Variants in SPEN observed in about 807,000 individuals in gnomAD.
The protein encoded by SPEN is msx2-interacting protein.
In SPEN, 18 loss-of-function variants were observed where a neutral mutation model predicts 269.9. The observed-to-expected ratio is 0.07, with a 90% confidence interval of 0.05 to 0.10. SPEN has a LOEUF of 0.10. SPEN is among the 10% of genes least tolerant of loss of function. SPEN has a pLI of 1.00. For missense variants in SPEN, 3,822 were observed against 4,631.2 expected (o/e 0.83, Z 5.07); for synonymous variants, 1,726 against 1,765.7 (o/e 0.98, Z 0.56).
intron 3 of SPEN, among the ~76,000 whole-genome samples, chr1:15,905,667 G>T (rs2070948761): frequency 6.6e-6 from 1 of 151,924 alleles, no homozygotes; most frequent in African/African-American, 2.4e-5. Context: ...CCACCTCCCG[G>T]GTTCAAGCAG....
At chr1:15,880,544 C>T (rs928595837) in intron 3 of SPEN, among the ~76,000 whole-genome samples, 26 of 150,654 alleles carry the variant, frequency 1.7e-4, no homozygotes, top group African/African-American at 6.1e-4. Flanking sequence ...CAACCTCTGC[C>T]TCTCGGGTTC....
At chr1:15,921,568 C>G (rs74054881) in intron 9 of SPEN, among the ~76,000 whole-genome samples, 3,108 of 152,292 alleles carry the variant, frequency 0.02, 96 homozygotes, top group African/African-American at 0.07. Flanking sequence ...CACAGACACT[C>G]TCATCGCAGG....
intron 2 of SPEN, chr1:15,874,160 G>A (rs1205254259): frequency 1.5e-6 from 2 of 1,366,410 alleles, no homozygotes; most frequent in Non-Finnish European, 2.0e-6. Context: ...CAAGAAAGAA[G>A]TCTGGGGGTT....
Position 15,930,437 on chromosome 1 carries a change from T to C in SPEN, c.4197T>C (p.Tyr1399=). 6.2e-7 allele frequency: 1 copy of C among 1,614,214 alleles called. No individual in the cohort carries two copies. ...KSHSPRASAL[Y]ESSRLSFLLR... is the part of the protein sequence containing the mutation. ...ACTCACCCAGAGCCTCTGCATTATA[T>C]GAAAGTTCTCGATTGTCTTTTTTAT... The change falls in exon 11 of 15, where the codon TAT becomes TAC. Residue 1399 remains tyrosine (Y), a synonymous_variant. Transcript: ENST00000375759. The surrounding 1 kb of genome is among the most constrained non-coding windows in gnomAD (Gnocchi z 5.3).
chr1:15,927,986 G>T (rs1055356806), intron 10 of SPEN, 105 bp from the exon 11 acceptor site: 4 of 1,082,614 alleles, frequency 3.7e-6, no homozygotes, highest in Non-Finnish European at 5.2e-6. Context: ...ATTAAATAAT[G>T]TCAAAAGATT....
chr1:15,871,061 T>A (rs1470341711), intron 1 of SPEN, among the ~76,000 whole-genome samples: 1 of 152,124 alleles, frequency 6.6e-6, no homozygotes, highest in Non-Finnish European at 1.5e-5. Flanking sequence ...CACCGCCTCC[T>A]GGGTTCAAGT....
intron 3 of SPEN, among the ~76,000 whole-genome samples, chr1:15,905,288 C>T (rs1011610779): frequency 3.3e-5 from 5 of 151,936 alleles, no homozygotes; most frequent in Non-Finnish European, 7.4e-5. Context: ...ATGGCATGAT[C>T]TCGGCTCACT....
chr1:15,882,309 CAT>C (rs1391988198), intron 3 of SPEN, among the ~76,000 whole-genome samples: 4 of 152,120 alleles, frequency 2.6e-5, no homozygotes, highest in African/African-American at 4.8e-5. Context: ...TGAAGTTGAA[CAT>C]ACTTTATTTC....
At chr1:15,860,222 T>G (rs912408830) in intron 1 of SPEN, among the ~76,000 whole-genome samples, 64 of 151,854 alleles carry the variant, frequency 4.2e-4, no homozygotes, top group Non-Finnish European at 1.3e-4. Context: ...AGTTAACATC[T>G]TAAGGCATAG....
At chr1:15,883,543 C>G (rs2070707620) in intron 3 of SPEN, among the ~76,000 whole-genome samples, 1 of 151,596 alleles carries the variant, frequency 6.6e-6, no homozygotes, top group African/African-American at 2.4e-5. Context: ...GCCTCAGCCT[C>G]CTGAGTAGCT....
chr1:15,918,065 TG>T (rs2071081925), intron 6 of SPEN, among the ~76,000 whole-genome samples: 1 of 152,276 alleles, frequency 6.6e-6, no homozygotes, highest in African/African-American at 2.4e-5. Flanking sequence ...GCAGTTCTAC[TG>T]CCTACCTAGA....
chr1:15,926,131 C>T (rs1020745119), intron 10 of SPEN, among the ~76,000 whole-genome samples: 2 of 152,198 alleles, frequency 1.3e-5, no homozygotes, highest in Non-Finnish European at 2.9e-5. Flanking sequence ...CACAGTGGCT[C>T]ATGCCTGTAA....
In SPEN at chr1:15,937,451, A is replaced by G. The variant is rs751378880; in HGVS notation, c.10315A>G (p.Met3439Val). The G allele has an allele frequency of 2.4e-5, 39 of 1,613,614 alleles. No homozygotes were observed. The highest frequency in any genetic ancestry group is 3.0e-5 in the Non-Finnish European group (35 of 1,180,000). Residue 3439 changes from methionine (M) to valine (V), a missense_variant, in exon 12 of 15, where the codon ATG becomes GTG. By Grantham distance (21) the Met-to-Val change is conservative (BLOSUM62 1). This residue lies in a region of SPEN where 359 missense variants were observed against 377.3 expected (regional missense o/e 0.95). Coordinates refer to ENST00000375759, the MANE Select transcript of SPEN (RefSeq NM_015001.3). This position sits in a 1 kb window ranked among gnomAD's most constrained non-coding sequence, Gnocchi z 5.7. ...CTTCCCCTCCCCTGTGTCTGTCTCC[A>G]TGAAGCCTGACCTTCCAGTCTCTCT... is the stretch of plus-strand genomic sequence containing the variant. ...TSFPSPVSVS[M>V]KPDLPVSLPT...
At chr1:15,854,290 C>T (rs1194449697) in intron 1 of SPEN, among the ~76,000 whole-genome samples, 6 of 151,950 alleles carry the variant, frequency 3.9e-5, no homozygotes, top group African/African-American at 1.5e-4. Flanking sequence ...CATATATTAG[C>T]CTGCTGAACA....
At chr1:15,912,336 A>C (rs1280600283) in intron 5 of SPEN, among the ~76,000 whole-genome samples, 2 of 152,242 alleles carry the variant, frequency 1.3e-5, no homozygotes, top group Non-Finnish European at 2.9e-5. Context: ...CTGATTTAAC[A>C]GAACTTGTGA....
chr1:15,861,105 G>C lies in SPEN; in HGVS notation c.84-11711G>C, dbSNP rs552799273. 1.6e-3 allele frequency among the ~76,000 whole-genome samples: 244 copies of C among 151,388 alleles called. 2 individuals carry two copies. The highest frequency in any genetic ancestry group is 5.3e-4 in the Non-Finnish European group (36 of 67,908). On this transcript the variant is annotated intron_variant, in intron 1 of 14. Transcript: ENST00000375759. ...AAAAATTGCTTTTTGGTAGAGATGG[G>C]GTTTCATCACATTGGTCAGGCTGAG... is the stretch of plus-strand genomic sequence containing the variant.
intron 8 of SPEN, 149 bp from the exon 9 acceptor site, chr1:15,920,721 T>C (rs1189407399): frequency 1.4e-5 from 5 of 364,364 alleles, no homozygotes; most frequent in African/African-American, 8.5e-5. Flanking sequence ...TTCACTACAG[T>C]GTGCATCACA....
intron 3 of SPEN, among the ~76,000 whole-genome samples, chr1:15,903,695 G>C (rs989187377): frequency 3.3e-5 from 5 of 152,036 alleles, no homozygotes; most frequent in Admixed American, 3.3e-4. Flanking sequence ...GTCTTGCCAT[G>C]TCATGTGCAT....
rs771793368 is a variant in SPEN at position 15,876,164 on chromosome 1, C to T, written c.405-38C>T. ...TGACTTGCTTTTAGTTTTGCTTGCT[C>T]CTTTCTGATTAAATATTTTTCCCCC... On this transcript the variant is annotated intron_variant, in intron 2 of 14. Transcript: ENST00000375759. 11 of 1,533,612 alleles carry T rather than the reference C, an allele frequency of 7.2e-6. No homozygotes were observed. The East Asian group carries it at 1.6e-4, about 22-fold the overall frequency.
Sources: gnomAD v4.1 joint callset for allele counts (sites outside exome capture counted in the v4.1 genomes callset) on GRCh38, gnomAD v4.1.1 for gene constraint, gnomAD v4.1.1 regional missense constraint, Gnocchi (gnomAD v3.1) non-coding constraint, MANE v1.5 for transcripts, NCBI Gene and HGNC (gene_info 2026-07-23, HGNC 2026-07-21) for gene names.